Variants in ARHGAP30 observed in about 807,000 individuals in gnomAD.
ARHGAP30 encodes Rho GTPase activating protein 30, also known as rho GTPase-activating protein 30.
ARHGAP30 carries 23 observed loss-of-function variants against 72.0 expected under a neutral mutation model. That is an observed-to-expected ratio of 0.32 (90% confidence interval 0.23 to 0.45). The LOEUF (loss-of-function observed/expected upper bound fraction) is 0.45. Ranked by LOEUF, ARHGAP30 falls within the 20% of genes least tolerant of loss-of-function variation. The pLI is 1.00. For missense variants in ARHGAP30, 1,319 were observed against 1,383.4 expected (o/e 0.95, Z 0.74); for synonymous variants, 576 against 528.2 (o/e 1.09, Z -1.24).
chr1:161,065,241 G>T (rs1180428600), intron 1 of ARHGAP30, among the ~76,000 whole-genome samples: 2 of 152,102 alleles, frequency 1.3e-5, no homozygotes, highest in African/African-American at 2.4e-5. Context: ...CTCCTAAAGT[G>T]CTGGGATTAC....
intron 1 of ARHGAP30, among the ~76,000 whole-genome samples, chr1:161,064,779 A>AAGAAAAAG (rs1306731099): frequency 4.1e-5 from 4 of 98,062 alleles, no homozygotes; most frequent in Non-Finnish European, 8.2e-5. Flanking sequence ...GAAAGAAAGA[A>AAGAAAAAG]AAAGAAAGAA....
At position 161,048,489 on chromosome 1, in the gene ARHGAP30, C is replaced by T. The variant is rs754286258; in HGVS notation, c.2532G>A (p.Glu844=). 5 of 1,614,148 alleles carry T rather than the reference C, an allele frequency of 3.1e-6. No homozygotes were observed. The highest frequency in any genetic ancestry group is 3.3e-5 in the Admixed American group (2 of 60,026). ...CTCCAGCCCTCTGGTCTCCCTCAGC[C>T]TCTCCATCCCCACTCTCCCGTTCCT... The part of the protein sequence containing the change: ...VSKERESGDG[E]AEGDQRAGGY... Residue 844 remains glutamate, a synonymous_variant, in exon 12 of 12, where the codon GAG becomes GAA. Coordinates refer to ENST00000368013, the MANE Select transcript of ARHGAP30 (RefSeq NM_001025598.2).
chr1:161,048,667 A>G lies in ARHGAP30; in HGVS notation c.2354T>C (p.Val785Ala). ...TCCCTCAGCCTCTTGTTTCTGTACA[A>G]CTTCCCATTTCTCCTCAGCAACTTG... ...EDQVAEEKWE[V>A]VQKQEAEGVR... Residue 785 changes from valine to alanine, a missense_variant, in exon 12 of 12, where the codon GTT (valine) becomes GCT (alanine). This residue lies in a region of ARHGAP30 where 1,097 missense variants were observed against 1,045.2 expected (regional missense o/e 1.05). Coordinates refer to ENST00000368013, the MANE Select transcript of ARHGAP30 (RefSeq NM_001025598.2). 6.2e-7 allele frequency: 1 copy of G among 1,613,614 alleles called. No homozygotes were observed. Among genetic ancestry groups the G allele is most frequent in the Non-Finnish European group, 8.5e-7 (1 of 1,179,920 alleles).
chr1:161,062,149 TTA>T (rs2102063545), intron 1 of ARHGAP30, among the ~76,000 whole-genome samples: 1 of 152,138 alleles, frequency 6.6e-6, no homozygotes, highest in African/African-American at 2.4e-5. Flanking sequence ...GGCCACGTAG[TTA>T]TCTTTCCAAA....
chr1:161,052,485 C>A lies in ARHGAP30; in HGVS notation c.895G>T (p.Gly299Cys), dbSNP rs1249450247. 28 of 1,613,822 alleles carry A rather than the reference C, an allele frequency of 1.7e-5. No homozygotes were observed. The highest frequency in any genetic ancestry group is 2.3e-5 in the Non-Finnish European group (27 of 1,180,032). The change falls in exon 8 of 12, where the codon GGC becomes TGC. Residue 299 changes from glycine (G) to cysteine (C), a missense_variant. This residue lies in a region of ARHGAP30 where 1,097 missense variants were observed against 1,045.2 expected (regional missense o/e 1.05). Transcript: ENST00000368013. ...GGAAGTTTACGCTTAGTCTCATGGC[C>A]AGAGCGACCTAAATTGAAGATAGAC... Reference protein sequence around the residue: ...WRSIFNLGRSGHETKRKLPRG... With the variant: ...WRSIFNLGRSCHETKRKLPRG...
Position 161,051,305 on chromosome 1 carries a change from G to C in ARHGAP30, c.1420+9C>G. On this transcript the variant is annotated intron_variant, in intron 10 of 11. Coordinates refer to ENST00000368013, the MANE Select transcript of ARHGAP30 (RefSeq NM_001025598.2). ...CTTTCCTAGTCTTGGTCAATCAATG[G>C]GTCCTCACCTGGGGGGCCAGGGCCA... 4 of 1,572,858 alleles carry C rather than the reference G, an allele frequency of 2.5e-6. No homozygotes were observed. The South Asian group carries it at 4.7e-5, about 18-fold the overall frequency.
intron 3 of ARHGAP30, among the ~76,000 whole-genome samples, 162 bp downstream of exon 3, chr1:161,056,226 A>T (rs1376434711): frequency 6.6e-6 from 1 of 152,206 alleles, no homozygotes; most frequent in Non-Finnish European, 1.5e-5. Context: ...AGTAGGGGCT[A>T]GGAGATTTGG....
chr1:161,063,292 G>A (rs766950866), intron 1 of ARHGAP30, among the ~76,000 whole-genome samples: 8 of 152,226 alleles, frequency 5.3e-5, no homozygotes, highest in East Asian at 3.8e-4. Context: ...TGGAGGGACC[G>A]GCTGAAGCCA....
At chr1:161,065,868 C>CTTATTTAT (rs376275626) in intron 1 of ARHGAP30, among the ~76,000 whole-genome samples, 2,846 of 133,220 alleles carry the variant, frequency 0.021, 38 homozygotes, top group Non-Finnish European at 0.024. Flanking sequence ...CACCCGGCCC[C>CTTATTTAT]TTATTTATTT....
At chr1:161,053,462 T>TTCTCTCCCTCTCTCTC in intron 5 of ARHGAP30, 77 bp from the exon 6 acceptor site, 2 of 689,134 alleles carry the variant, frequency 2.9e-6, no homozygotes, top group Non-Finnish European at 4.3e-6. Flanking sequence ...AAATACCTTA[T>TTCTCTCCCTCTCTCTC]TCTCTCTCTC....
At chr1:161,059,582 G>C in intron 2 of ARHGAP30, 32 bp downstream of exon 2, 1 of 1,573,692 alleles carries the variant, frequency 6.4e-7, no homozygotes, top group South Asian at 1.1e-5. Flanking sequence ...TGGCCTCCTG[G>C]TCACAGAGCC....
At position 161,048,830 on chromosome 1, in the gene ARHGAP30, C is replaced by T; in HGVS notation, c.2191G>A (p.Ala731Thr). 6.2e-7 allele frequency: 1 copy of T among 1,614,138 alleles called. No homozygotes were observed. The highest frequency in any genetic ancestry group is 8.5e-7 in the Non-Finnish European group (1 of 1,180,044). Residue 731 changes from alanine to threonine, a missense_variant, in exon 12 of 12, where the codon GCT becomes ACT. Physicochemically the swap from Ala to Thr is moderately conservative, Grantham distance 58. Around this residue, in one of 2 missense-constraint regions of ARHGAP30, gnomAD observed 1,097 missense variants for 1,045.2 expected, o/e 1.05. Coordinates refer to ENST00000368013, the MANE Select transcript of ARHGAP30 (RefSeq NM_001025598.2). ...CCTCCTGGTTCCTCCACACCTTTAG[C>T]CTCCATACTGTCAGCCTTCTTCTGA... Reference protein sequence around the residue: ...KGQKKADSMEAKGVEEPGGDE... With the variant: ...KGQKKADSMETKGVEEPGGDE...
intron 5 of ARHGAP30, among the ~76,000 whole-genome samples, 156 bp downstream of exon 5, chr1:161,054,210 G>A (rs1013873987): frequency 5.9e-5 from 9 of 152,112 alleles, no homozygotes; most frequent in South Asian, 2.1e-4. Context: ...GGGCCCATCC[G>A]ACCCACCATG....
rs1651477970 is a variant in ARHGAP30, at chr1:161,052,451, G to C, written c.929C>G (p.Ala310Gly). 3 of 1,613,324 alleles carry C rather than the reference G, an allele frequency of 1.9e-6. No individual in the cohort carries two copies. The highest frequency in any genetic ancestry group is 1.3e-5 in the African/African-American group (1 of 74,652). ...HETKRKLPRG[A>G]EDREDKSNKG... ...CTCCCCAGACTTACCCCTGTCCTCA[G>C]CCCCCCGTGGAAGTTTACGCTTAGT... Residue 310 changes from alanine to glycine, a missense_variant, in exon 8 of 12, where the codon GCT becomes GGT. By Grantham distance (60) the Ala-to-Gly change is moderately conservative. Transcript: ENST00000368013.
Position 161,048,520 on chromosome 1 carries a change from ACCT to A in ARHGAP30, c.2498_2500del (p.Glu833del), listed in dbSNP as rs1270101851. On this transcript the variant is annotated inframe_deletion, in exon 12 of 12. Transcript: ENST00000368013. ...ATCCCCACTCTCCCGTTCCTTGCTG[ACCT>A]CCCCTGCTCCTCCTTCAGTTGCTGC... 2 of 1,611,970 alleles carry A rather than the reference ACCT, an allele frequency of 1.2e-6. No individual in the cohort carries two copies. Among genetic ancestry groups the A allele is most frequent in the South Asian group, 2.2e-5 (2 of 90,946 alleles).
At chr1:161,064,323 G>A (rs180744126) in intron 1 of ARHGAP30, among the ~76,000 whole-genome samples, 6 of 152,288 alleles carry the variant, frequency 3.9e-5, no homozygotes, top group South Asian at 2.1e-4. Context: ...CAGTTCCCCC[G>A]GTATGAAATG....
intron 3 of ARHGAP30, among the ~76,000 whole-genome samples, chr1:161,055,921 A>T (rs1557926946): frequency 8.2e-5 from 2 of 24,344 alleles, no homozygotes; most frequent in South Asian, 7.8e-4. Flanking sequence ...AAAATAAAAT[A>T]AAATAAAATA....
chr1:161,051,969 A>G (rs1018799690), intron 9 of ARHGAP30, among the ~76,000 whole-genome samples: 82 of 324 alleles, frequency 0.25, no homozygotes, highest in African/African-American at 0.35. Flanking sequence ...GGCCGTTGTC[A>G]CCACCACCAC....
chr1:161,066,783 G>A (rs910073730), intron 1 of ARHGAP30, among the ~76,000 whole-genome samples: 2 of 151,054 alleles, frequency 1.3e-5, no homozygotes, highest in Non-Finnish European at 2.9e-5. Flanking sequence ...ACCATCCATC[G>A]TTTCAGTACC....
Sources: allele counts gnomAD v4.1 joint callset (sites outside exome capture counted in the v4.1 genomes callset), GRCh38; gene constraint gnomAD v4.1.1; regional missense constraint gnomAD v4.1.1; transcripts MANE v1.5; gene names NCBI Gene and HGNC (gene_info 2026-07-23, HGNC 2026-07-21).